Variants in GTF2H1 observed in about 807,000 individuals in gnomAD.
GTF2H1 encodes general transcription factor IIH subunit 1, also known as BTF2 p62.
GTF2H1 carries 16 observed loss-of-function variants against 71.2 expected under a neutral mutation model. The observed-to-expected ratio is 0.22, with a 90% CI of 0.15 to 0.34. The LOEUF is 0.34. Ranked by LOEUF, GTF2H1 falls within the 10% of genes least tolerant of loss-of-function variation. The pLI is 1.00. For missense variants in GTF2H1, 498 were observed against 648.2 expected (o/e 0.77, Z 2.52); for synonymous variants, 215 against 219.0 (o/e 0.98, Z 0.16).
chr11:18,347,973 A>T (rs1231551434), intron 9 of GTF2H1, 54 bp downstream of exon 9: 1 of 1,088,286 alleles, frequency 9.2e-7, no homozygotes, highest in South Asian at 1.3e-5. Context: ...CAAATACTTT[A>T]TGTGACTGCA....
At chr11:18,364,422 A>G (rs1865774878) in intron 14 of GTF2H1, among the ~76,000 whole-genome samples, 1 of 152,130 alleles carries the variant, frequency 6.6e-6, no homozygotes, top group Non-Finnish European at 1.5e-5. Context: ...TTCTACCTCA[A>G]AAGTCAGTAT....
At chr11:18,330,529 C>G (rs1864869991) in intron 1 of GTF2H1, among the ~76,000 whole-genome samples, 1 of 152,200 alleles carries the variant, frequency 6.6e-6, no homozygotes, top group Non-Finnish European at 1.5e-5. Context: ...TTGCATTTTT[C>G]TATCCGCTGA....
intron 9 of GTF2H1, 174 bp downstream of exon 9, chr11:18,348,093 C>T (rs1384734532): frequency 6.4e-6 from 4 of 621,024 alleles, no homozygotes; most frequent in Admixed American, 6.0e-5. Context: ...TTTGGCTTGC[C>T]AGCCAACTTT....
chr11:18,354,069 AT>A (rs1382649125), intron 11 of GTF2H1, among the ~76,000 whole-genome samples: 2 of 152,184 alleles, frequency 1.3e-5, no homozygotes, highest in Admixed American at 6.5e-5. Context: ...AAATGGAATG[AT>A]TTGTCAATCT....
chr11:18,338,792 T>C (rs1282775568), intron 4 of GTF2H1, among the ~76,000 whole-genome samples: 1 of 152,150 alleles, frequency 6.6e-6, no homozygotes, highest in African/African-American at 2.4e-5. Context: ...TTTTTTAAAT[T>C]TATATTTCTT....
At chr11:18,330,095 A>G (rs182785335) in intron 1 of GTF2H1, among the ~76,000 whole-genome samples, 3 of 152,360 alleles carry the variant, frequency 2.0e-5, no homozygotes, top group South Asian at 2.1e-4. Flanking sequence ...GTCAAAACGC[A>G]TCGAACAGAA....
At chr11:18,356,377 CAA>C (rs771914874) in intron 11 of GTF2H1, among the ~76,000 whole-genome samples, 83 of 76,934 alleles carry the variant, frequency 1.1e-3, no homozygotes, top group African/African-American at 9.8e-4. Context: ...GACTCTGTCT[CAA>C]AAAAAAAAAA....
chr11:18,353,029 C>T (rs944393388), intron 11 of GTF2H1, among the ~76,000 whole-genome samples: 2 of 152,138 alleles, frequency 1.3e-5, no homozygotes, highest in African/African-American at 4.8e-5. Flanking sequence ...AGTTCGAGAC[C>T]AGCCTGACCA....
chr11:18,359,081 A>C (rs1213435743), intron 13 of GTF2H1, among the ~76,000 whole-genome samples: 2 of 152,260 alleles, frequency 1.3e-5, no homozygotes, highest in African/African-American at 2.4e-5. Flanking sequence ...TAATAGTAAT[A>C]CTATAAATTG....
chr11:18,334,515 G>T (rs1210833778), intron 2 of GTF2H1, among the ~76,000 whole-genome samples: 2 of 152,190 alleles, frequency 1.3e-5, no homozygotes, highest in Non-Finnish European at 2.9e-5. Flanking sequence ...TAGCCCCATA[G>T]CTTTGTGTAA....
Position 18,365,911 on chromosome 11 carries a change from T to C in GTF2H1, c.*42T>C. On this transcript the variant is annotated 3_prime_UTR_variant, in exon 15 of 15. Transcript: ENST00000265963. ...ACAGGTTTTGTGAGATTGAGAGAACTATGACCTGCAGCAACTCTGGAAACC... is the reference window on the plus strand; with the variant it reads ...ACAGGTTTTGTGAGATTGAGAGAACCATGACCTGCAGCAACTCTGGAAACC... 1 of 1,384,480 alleles carries C rather than the reference T, an allele frequency of 7.2e-7. No homozygotes were observed. The highest frequency in any genetic ancestry group is 1.0e-6 in the Non-Finnish European group (1 of 974,452). 85.8% of individuals were successfully genotyped at this position (1,384,480 alleles called of 1,614,324 possible).
chr11:18,345,359 G>A (rs1402117631), intron 7 of GTF2H1, among the ~76,000 whole-genome samples: 1 of 152,032 alleles, frequency 6.6e-6, no homozygotes, highest in Non-Finnish European at 1.5e-5. Context: ...TGTTTTACTT[G>A]ATAATTGCAT....
chr11:18,362,602 C>CCTTTCTCTCTCT (rs1865727835), intron 14 of GTF2H1, among the ~76,000 whole-genome samples: 2 of 150,924 alleles, frequency 1.3e-5, no homozygotes, highest in Admixed American at 6.6e-5. Context: ...ATTCTATAAG[C>CCTTTCTCTCTCT]CTTTCTCTCT....
chr11:18,325,054 G>T (rs1032481418), intron 1 of GTF2H1, among the ~76,000 whole-genome samples: 1 of 152,178 alleles, frequency 6.6e-6, no homozygotes. Flanking sequence ...TGGATTGCTT[G>T]ATGGCAAGCA....
Position 18,347,589 on chromosome 11 carries a change from G to A in GTF2H1, c.839G>A (p.Gly280Asp), listed in dbSNP as rs1865325554. 9 of 1,603,466 alleles carry A rather than the reference G, an allele frequency of 5.6e-6. No homozygotes were observed. Among genetic ancestry groups the A allele is most frequent in the Non-Finnish European group, 7.7e-6 (9 of 1,174,132 alleles). ...TALEDKPLDE[G>D]YGISSVPSAS... is the part of the protein sequence containing the mutation. ...TTTTTAATCTATTATTTCTCACAGG[G>A]CTATGGCATTTCCTCTGTGCCATCT... Residue 280 changes from glycine to aspartate, a missense_variant and splice_region_variant, in exon 8 of 15, where the codon GGC becomes GAC. By Grantham distance (94) the Gly-to-Asp change is moderately conservative. Transcript: ENST00000265963.
chr11:18,348,391 G>T (rs1865348732), intron 9 of GTF2H1: 1 of 179,060 alleles, frequency 5.6e-6, no homozygotes, highest in African/African-American at 2.3e-5. Context: ...AGGATGGACA[G>T]AATTAGCTGC....
In GTF2H1 at chr11:18,335,631, G is replaced by GT. The variant is rs1865007377; in HGVS notation, c.155-122dup. On this transcript the variant is annotated intron_variant, in intron 2 of 14. Coordinates refer to ENST00000265963, the MANE Select transcript of GTF2H1 (RefSeq NM_005316.4). The stretch of plus-strand genomic sequence containing the variant: ...AAGAGTGCATTCTACAAAAGCATCA[G>GT]TATTGGAATAGGGCAGTTAAAGCCC... 84 of 655,996 alleles carry GT rather than the reference G, an allele frequency of 1.3e-4. No homozygotes were observed. In the South Asian group the frequency reaches 1.5e-3, roughly 12 times the overall value. The allele number at this position is 655,996 out of a possible 1,614,324, so 40.6% of individuals were successfully genotyped here.
intron 14 of GTF2H1, among the ~76,000 whole-genome samples, chr11:18,362,873 G>A (rs919979636): frequency 4.0e-5 from 6 of 151,880 alleles, no homozygotes; most frequent in Non-Finnish European, 1.5e-5. Flanking sequence ...GTTTCACTGT[G>A]TCGGCCAGGT....
intron 14 of GTF2H1, 53 bp downstream of exon 14, chr11:18,360,760 G>A (rs1036052658): frequency 1.1e-6 from 1 of 908,044 alleles, no homozygotes; most frequent in South Asian, 1.5e-5. Flanking sequence ...GTAGTAAAAT[G>A]ATGAAATTGA....
Sources: allele counts gnomAD v4.1 joint callset (sites outside exome capture counted in the v4.1 genomes callset), GRCh38; gene constraint gnomAD v4.1.1; transcripts MANE v1.5; gene names NCBI Gene and HGNC (gene_info 2026-07-23, HGNC 2026-07-21).